GNAI1: variants seen among roughly 807,000 people sequenced by gnomAD.
GNAI1 encodes the protein guanine nucleotide-binding protein G(i) subunit alpha-1.
GNAI1 carries 11 observed loss-of-function variants against 38.9 expected under a neutral mutation model. The observed-to-expected ratio is 0.28, with a 90% CI of 0.18 to 0.47. The LOEUF (loss-of-function observed/expected upper bound fraction) is 0.47. GNAI1 is among the 20% of genes least tolerant of loss of function. The pLI, the probability that GNAI1 is intolerant of heterozygous loss-of-function variation, is 0.99. For synonymous variants in GNAI1, 166 were observed against 145.1 expected (o/e 1.14, Z -1.04); for missense variants, 317 against 436.9 (o/e 0.73, Z 2.45).
Position 80,221,727 on chromosome 7 carries a change from C to G in GNAI1, c.*4234C>G, listed in dbSNP as rs2115741484. ...GTGCAATCTCCACTCTCTGCAACCT[C>G]CAACTCCATGGTTCAAGCAATTGTC... On this transcript the variant is annotated 3_prime_UTR_variant, in exon 8 of 8. Coordinates refer to ENST00000649796, the MANE Select transcript of GNAI1 (RefSeq NM_002069.6). Among the ~76,000 whole-genome samples, 1 of 141,734 alleles carries G rather than the reference C, an allele frequency of 7.1e-6. No individual in the cohort carries two copies. Among genetic ancestry groups the G allele is most frequent in the East Asian group, 2.3e-4 (1 of 4,302 alleles). The allele number at this position is 141,734 out of a possible 152,430, so 93.0% of individuals were successfully genotyped here. A position where few individuals can be genotyped will look rare whatever the true frequency, so the allele number is the denominator to read the frequency against.
At chr7:80,212,105 G>A (rs960928249) in intron 6 of GNAI1, among the ~76,000 whole-genome samples, 3 of 151,976 alleles carry the variant, frequency 2.0e-5, no homozygotes, top group African/African-American at 4.8e-5. Flanking sequence ...ACCGAGAGAC[G>A]ATTGTATTTT....
chr7:80,171,258 T>A (rs1163102310), intron 1 of GNAI1, among the ~76,000 whole-genome samples: 2 of 152,016 alleles, frequency 1.3e-5, no homozygotes, highest in African/African-American at 4.8e-5. Flanking sequence ...TTGTAAAAAA[T>A]TTATTAATTT....
chr7:80,188,855 GGTGTGTGT>G (rs148159852), intron 1 of GNAI1, 88 bp from the exon 2 acceptor site: 6 of 700,374 alleles, frequency 8.6e-6, no homozygotes, highest in South Asian at 1.7e-5. Context: ...AGAGAGACTG[GGTGTGTGT>G]GTGTGTGTGT....
chr7:80,203,621 G>A (rs1333033533), intron 4 of GNAI1, 83 bp from the exon 5 acceptor site: 2 of 802,890 alleles, frequency 2.5e-6, no homozygotes, highest in African/African-American at 1.8e-5. Context: ...CGCTTGTATT[G>A]AAATGTGTTT....
chr7:80,155,510 C>G (rs947174218), intron 1 of GNAI1, among the ~76,000 whole-genome samples: 1 of 152,078 alleles, frequency 6.6e-6, no homozygotes, highest in Non-Finnish European at 1.5e-5. Context: ...ATGATTTCAT[C>G]AGGATTAAAC....
chr7:80,169,507 T>A (rs998845267), intron 1 of GNAI1, among the ~76,000 whole-genome samples: 2 of 152,188 alleles, frequency 1.3e-5, no homozygotes, highest in Non-Finnish European at 2.9e-5. Flanking sequence ...GGAGGTGGAA[T>A]GAAGGTTCCA....
chr7:80,207,685 G>C (rs1438639072), intron 5 of GNAI1, among the ~76,000 whole-genome samples: 1 of 147,134 alleles, frequency 6.8e-6, no homozygotes, highest in Non-Finnish European at 1.5e-5. Context: ...ACTCTTGAGT[G>C]TGGTCATCAT....
intron 1 of GNAI1, among the ~76,000 whole-genome samples, chr7:80,153,746 G>A (rs2116107882): frequency 1.3e-5 from 2 of 148,290 alleles, no homozygotes; most frequent in African/African-American, 4.9e-5. Context: ...AACACAAAGT[G>A]GTATTTTATT....
In GNAI1 at chr7:80,217,501, A is replaced by T. The variant is rs1437889765; in HGVS notation, c.*8A>T. The T allele has an allele frequency of 6.4e-7, 1 of 1,551,420 alleles. No homozygotes were observed. Among genetic ancestry groups the T allele is most frequent in the Admixed American group, 1.9e-5 (1 of 53,916 alleles). On this transcript the variant is annotated 3_prime_UTR_variant, in exon 8 of 8. Transcript: ENST00000649796. ...GATTGTGGTCTCTTTTAAGTTTTGCAGTTCATGGTAAAATGCATTTTCAAA... is the reference window on the plus strand; with the variant it reads ...GATTGTGGTCTCTTTTAAGTTTTGCTGTTCATGGTAAAATGCATTTTCAAA...
intron 1 of GNAI1, among the ~76,000 whole-genome samples, chr7:80,143,927 C>CGCGTGT (rs1554346289): frequency 7.6e-4 from 115 of 151,536 alleles, no homozygotes; most frequent in Admixed American, 2.2e-3. Context: ...TGTGTGCGCG[C>CGCGTGT]GTGTGTGTAT....
At position 80,226,179 on chromosome 7, in the gene GNAI1, A is replaced by G. The variant is rs1789154568; in HGVS notation, c.*8686A>G. On this transcript the variant is annotated 3_prime_UTR_variant, in exon 8 of 8. Coordinates refer to ENST00000649796, the MANE Select transcript of GNAI1 (RefSeq NM_002069.6). ...TATCCAATAAAGACATTTAAAAAGT[A>G]AATTTATGTCCATATTATTTTTAAT... Among the ~76,000 whole-genome samples the G allele has an allele frequency of 1.3e-5, 2 of 152,166 alleles. No individual in the cohort carries two copies. The highest frequency in any genetic ancestry group is 4.1e-4 in the South Asian group (2 of 4,830).
chr7:80,224,393 T>C lies in GNAI1; in HGVS notation c.*6900T>C, dbSNP rs555991550. 5.9e-5 allele frequency among the ~76,000 whole-genome samples: 9 copies of C among 152,200 alleles called. No individual in the cohort carries two copies. Among genetic ancestry groups the C allele is most frequent in the African/African-American group, 2.2e-4 (9 of 41,450 alleles). On this transcript the variant is annotated 3_prime_UTR_variant, in exon 8 of 8. Coordinates refer to ENST00000649796, the MANE Select transcript of GNAI1 (RefSeq NM_002069.6). ...GGTGTAAAATCTAGAGTTAAGACCT[T>C]TGTTAGCCATATCTTCAAAATCCAG...
At chr7:80,191,579 A>G (rs926161475) in intron 3 of GNAI1, among the ~76,000 whole-genome samples, 2 of 152,052 alleles carry the variant, frequency 1.3e-5, no homozygotes, top group African/African-American at 2.4e-5. Flanking sequence ...TTTAGTAAAG[A>G]TGGGGTTTCA....
chr7:80,151,290 T>C (rs2116100144), intron 1 of GNAI1, among the ~76,000 whole-genome samples: 1 of 152,310 alleles, frequency 6.6e-6, no homozygotes, highest in East Asian at 1.9e-4. Flanking sequence ...ACAGTTCTTA[T>C]GGATTCCTAA....
In GNAI1 at chr7:80,217,567, C is replaced by A; in HGVS notation, c.*74C>A. On this transcript the variant is annotated 3_prime_UTR_variant, in exon 8 of 8. Transcript: ENST00000649796. ...TATATGGATCTCTGTAGACTAGAGT[C>A]TTGCAGCAACACAGAATGTAATATA... The A allele has an allele frequency of 1.3e-6, 1 of 760,150 alleles. No individual in the cohort carries two copies. The highest frequency in any genetic ancestry group is 2.5e-5 in the South Asian group (1 of 40,096). 47.1% of individuals were successfully genotyped at this position (760,150 alleles called of 1,614,324 possible). A position where few individuals can be genotyped will look rare whatever the true frequency, so the allele number is the denominator to read the frequency against.
chr7:80,143,921 TGC>T (rs66492765), intron 1 of GNAI1, among the ~76,000 whole-genome samples: 1 of 113,714 alleles, frequency 8.8e-6, no homozygotes, highest in Non-Finnish European at 2.1e-5. Flanking sequence ...TGTGTGTGTG[TGC>T]GCGCGTGTGT....
chr7:80,178,388 A>G (rs185133844), intron 1 of GNAI1, among the ~76,000 whole-genome samples: 69 of 152,282 alleles, frequency 4.5e-4, no homozygotes, highest in Admixed American at 1.6e-3. Flanking sequence ...GTAAAGTGTT[A>G]CTCAAAGAGC....
intron 1 of GNAI1, among the ~76,000 whole-genome samples, chr7:80,153,809 A>G (rs1289414220): frequency 6.6e-6 from 1 of 152,142 alleles, no homozygotes; most frequent in East Asian, 1.9e-4. Context: ...ATCTTCTGTA[A>G]CTTCTTTGTT....
intron 1 of GNAI1, among the ~76,000 whole-genome samples, chr7:80,162,125 C>T (rs565525075): frequency 6.6e-6 from 1 of 152,138 alleles, no homozygotes; most frequent in African/African-American, 2.4e-5. Flanking sequence ...ATGAAGGGAC[C>T]TTGAGTTCTC....
Sources: gnomAD v4.1 joint callset for allele counts (sites outside exome capture counted in the v4.1 genomes callset) on GRCh38, gnomAD v4.1.1 for gene constraint, MANE v1.5 for transcripts, NCBI Gene and HGNC (gene_info 2026-07-23, HGNC 2026-07-21) for gene names.